Variants in GAPVD1 observed in about 807,000 individuals in gnomAD.
The protein encoded by GAPVD1 is GTPase activating protein and VPS9 domains 1.
In GAPVD1, 35 loss-of-function variants were observed where a neutral mutation model predicts 155.5. The observed-to-expected ratio is 0.23, with a 90% CI of 0.17 to 0.30. The LOEUF (loss-of-function observed/expected upper bound fraction) is 0.30, where lower values mean the gene tolerates loss of function less well. Among genes scored for constraint, GAPVD1 ranks in the 10% least tolerant of loss-of-function variants. GAPVD1 has a pLI of 1.00. For synonymous variants in GAPVD1, 636 were observed against 619.7 expected, an observed-to-expected ratio of 1.03 and a Z score of -0.39; for missense variants, 1,429 against 1,775.7, an observed-to-expected ratio of 0.80 and a Z score of 3.51.
intron 9 of GAPVD1, among the ~76,000 whole-genome samples, chr9:125,317,895 G>T (rs999909121): frequency 6.6e-6 from 1 of 151,880 alleles, no homozygotes; most frequent in African/African-American, 2.4e-5. Flanking sequence ...ACACTAGAGG[G>T]GTTCAACAGC....
intron 2 of GAPVD1, among the ~76,000 whole-genome samples, chr9:125,291,318 ATG>A (rs1011164282): frequency 2.0e-3 from 311 of 151,982 alleles, no homozygotes; most frequent in African/African-American, 7.3e-3. Flanking sequence ...TAGCGTTGTC[ATG>A]TGTGTGTGTT....
chr9:125,336,011 C>T (rs150920011), intron 15 of GAPVD1, among the ~76,000 whole-genome samples: 108 of 151,648 alleles, frequency 7.1e-4, no homozygotes, highest in African/African-American at 2.6e-3. Context: ...TAAAAATTAG[C>T]TGGGTGTGGT....
chr9:125,333,735 G>A (rs981212178), intron 15 of GAPVD1, among the ~76,000 whole-genome samples: 2 of 152,120 alleles, frequency 1.3e-5, no homozygotes, highest in African/African-American at 2.4e-5. Context: ...TGATCTGCCC[G>A]CCTCGGCCTC....
rs1400319785 is a variant in GAPVD1, at chr9:125,337,605, G to A, written c.2877+14G>A. 6.3e-7 allele frequency: 1 copy of A among 1,595,938 alleles called. No homozygotes were observed. Among genetic ancestry groups the A allele is most frequent in the African/African-American group, 1.3e-5 (1 of 74,160 alleles). ...TCAAGAGGAGAGGTATGGGACATAGGCCGTGAAAAAGAATTATGTTCTGCC... is the reference window on the plus strand; with the variant it reads ...TCAAGAGGAGAGGTATGGGACATAGACCGTGAAAAAGAATTATGTTCTGCC... On this transcript the variant is annotated intron_variant, in intron 17 of 27. Transcript: ENST00000297933.
chr9:125,360,278 G>C (rs1363066972), intron 26 of GAPVD1, among the ~76,000 whole-genome samples: 6 of 152,190 alleles, frequency 3.9e-5, no homozygotes, highest in Non-Finnish European at 8.8e-5. Context: ...TCTAGCTTCT[G>C]TGCTGTTGAA....
chr9:125,325,541 A>T (rs1168293410), intron 11 of GAPVD1, among the ~76,000 whole-genome samples: 2 of 141,794 alleles, frequency 1.4e-5, no homozygotes, highest in Admixed American at 1.4e-4. Flanking sequence ...AAAAAAAAAG[A>T]TGATGCCCTC....
intron 2 of GAPVD1, among the ~76,000 whole-genome samples, chr9:125,294,204 C>G (rs1839453815): frequency 1.3e-5 from 2 of 151,730 alleles, no homozygotes; most frequent in African/African-American, 4.8e-5. Context: ...CTGTGCCTGG[C>G]CAATTTTTAT....
chr9:125,264,638 T>C (rs1255868027), intron 1 of GAPVD1, among the ~76,000 whole-genome samples: 1 of 152,180 alleles, frequency 6.6e-6, no homozygotes, highest in African/African-American at 2.4e-5. Context: ...TTCCAAGGGA[T>C]TGCAGCTCTG....
intron 2 of GAPVD1, among the ~76,000 whole-genome samples, chr9:125,293,885 T>C (rs1405303295): frequency 4.3e-5 from 1 of 23,214 alleles, no homozygotes; most frequent in African/African-American, 2.0e-4. Flanking sequence ...TATATATATA[T>C]ATATATATAT....
At chr9:125,268,504 T>G (rs1035716797) in intron 1 of GAPVD1, among the ~76,000 whole-genome samples, 2 of 149,828 alleles carry the variant, frequency 1.3e-5, no homozygotes, top group African/African-American at 4.9e-5. Context: ...TGTTTTTTTT[T>G]TTTTTTTTTT....
chr9:125,277,354 T>C (rs977981874), intron 2 of GAPVD1, among the ~76,000 whole-genome samples: 5 of 152,226 alleles, frequency 3.3e-5, no homozygotes, highest in African/African-American at 1.2e-4. Flanking sequence ...TGAGGAAATA[T>C]CTGAGTCAAG....
chr9:125,279,370 A>C (rs1007877035), intron 2 of GAPVD1, among the ~76,000 whole-genome samples: 5 of 152,064 alleles, frequency 3.3e-5, no homozygotes, highest in African/African-American at 4.8e-5. Flanking sequence ...CAGGAGTTTG[A>C]GAACAGCCTG....
rs34007926 is a variant in GAPVD1, at chr9:125,328,833, ACCC to A, written c.2033-1237_2033-1235del. 1.8e-3 allele frequency among the ~76,000 whole-genome samples: 267 copies of A among 144,708 alleles called. 1 individual carries two copies. The highest frequency in any genetic ancestry group is 6.2e-3 in the African/African-American group (245 of 39,416). 94.9% of individuals were successfully genotyped at this position (144,708 alleles called of 152,430 possible). A position where few individuals can be genotyped will look rare whatever the true frequency, so the allele number is the denominator to read the frequency against. ...AGGCGGCTGGCCGGGCAGGGGGCTG[ACCC>A]CCCCCCCACCTCCCTCCCGGACGGG... On this transcript the variant is annotated intron_variant, in intron 12 of 27. Coordinates refer to ENST00000297933, the MANE Select transcript of GAPVD1 (RefSeq NM_001282680.3).
chr9:125,324,612 A>G (rs752620567), intron 11 of GAPVD1, among the ~76,000 whole-genome samples: 6 of 152,170 alleles, frequency 3.9e-5, no homozygotes, highest in Admixed American at 6.5e-5. Context: ...GTATAGGGAA[A>G]GTTTATTGGA....
chr9:125,358,391 C>T, intron 25 of GAPVD1, among the ~76,000 whole-genome samples: 1 of 152,154 alleles, frequency 6.6e-6, no homozygotes, highest in South Asian at 2.1e-4. Context: ...CAGGCATGAG[C>T]CACCCCGCCC....
At chr9:125,349,750 G>A (rs1849043658) in intron 21 of GAPVD1, among the ~76,000 whole-genome samples, 1 of 151,934 alleles carries the variant, frequency 6.6e-6, no homozygotes, top group Non-Finnish European at 1.5e-5. Flanking sequence ...TGTAATCCCA[G>A]CACTTTAGGA....
chr9:125,326,644 AACCTTTC>A, intron 12 of GAPVD1, 55 bp downstream of exon 12: 1 of 1,277,592 alleles, frequency 7.8e-7, no homozygotes, highest in South Asian at 1.2e-5. Flanking sequence ...CAAATCCACC[AACCTTTC>A]ATGGGAGGGA....
chr9:125,298,871 T>C lies in GAPVD1; in HGVS notation c.-32-19T>C, dbSNP rs750193731. ...AAGTGACATACATAAACTTTAAATC[T>C]TTATCTTTTTACTCTTAGTGATCAG... On this transcript the variant is annotated intron_variant, in intron 3 of 27. Transcript: ENST00000297933. The C allele has an allele frequency of 1.8e-6, 2 of 1,098,318 alleles. No homozygotes were observed. Among genetic ancestry groups the C allele is most frequent in the South Asian group, 1.5e-5 (1 of 64,640 alleles). The allele number at this position is 1,098,318 out of a possible 1,614,324, so 68.0% of individuals were successfully genotyped here.
rs554171506 is a variant in GAPVD1 at position 125,356,067 on chromosome 9, T to C, written c.3971+210T>C. Among the ~76,000 whole-genome samples, 4 of 152,298 alleles carry C rather than the reference T, an allele frequency of 2.6e-5. No individual in the cohort carries two copies. The East Asian group carries it at 7.7e-4, about 29-fold the overall frequency. On this transcript the variant is annotated intron_variant, in intron 25 of 27. Coordinates refer to ENST00000297933, the MANE Select transcript of GAPVD1 (RefSeq NM_001282680.3). ...GCAGTCAAGCTGGAAGGAGTAGAAA[T>C]TGGTATAGCCTCTTTGGAAAGCACT...
Sources: gnomAD v4.1 joint callset for allele counts (sites outside exome capture counted in the v4.1 genomes callset) on GRCh38, gnomAD v4.1.1 for gene constraint, MANE v1.5 for transcripts, NCBI Gene and HGNC (gene_info 2026-07-23, HGNC 2026-07-21) for gene names.